The following SMYD3 variants were observed in gnomAD, a reference collection of about 807,000 sequenced individuals.
SMYD3 encodes the protein SET and MYND domain containing 3, also known as histone-lysine N-methyltransferase SMYD3.
A neutral mutation model predicts 57.7 loss-of-function variants in SMYD3; 36 were observed. The observed-to-expected ratio is 0.62, with a 90% CI of 0.48 to 0.82. SMYD3 has a LOEUF of 0.82. Among genes scored for constraint, SMYD3 ranks in the 40% least tolerant of loss-of-function variants. SMYD3 has a pLI of 0.00. For missense variants in SMYD3, 515 were observed against 538.8 expected (o/e 0.96, Z 0.44); for synonymous variants, 211 against 195.0 (o/e 1.08, Z -0.68).
intron 5 of SMYD3, among the ~76,000 whole-genome samples, chr1:246,045,044 C>T (rs1320503668): frequency 2.0e-5 from 3 of 152,090 alleles, no homozygotes; most frequent in African/African-American, 4.8e-5. Flanking sequence ...ATTGTGAAAA[C>T]GGACATACTG....
At chr1:246,160,666 G>C (rs531127036) in intron 5 of SMYD3, among the ~76,000 whole-genome samples, 27 of 152,324 alleles carry the variant, frequency 1.8e-4, no homozygotes, top group Non-Finnish European at 3.4e-4. Flanking sequence ...GGTGGCTGCT[G>C]TCTAACCCCA....
At chr1:246,358,713 T>C (rs1185725411) in intron 1 of SMYD3, among the ~76,000 whole-genome samples, 2 of 152,220 alleles carry the variant, frequency 1.3e-5, no homozygotes, top group African/African-American at 4.8e-5. Flanking sequence ...TCCTGGATGA[T>C]TGTTGGGTCA....
chr1:246,186,876 G>A (rs1405687258), intron 5 of SMYD3: 1 of 985,330 alleles, frequency 1.0e-6, no homozygotes, highest in East Asian at 1.1e-4. Flanking sequence ...TACCTCGCAG[G>A]AGAATGTCTC....
intron 5 of SMYD3, among the ~76,000 whole-genome samples, chr1:246,213,744 T>A (rs533866917): frequency 6.6e-6 from 1 of 152,316 alleles, no homozygotes; most frequent in African/African-American, 2.4e-5. Context: ...TCCCTGAGAA[T>A]ATCTTAGCAT....
intron 5 of SMYD3, among the ~76,000 whole-genome samples, chr1:246,259,733 G>A (rs769890366): frequency 4.6e-5 from 7 of 152,222 alleles, no homozygotes; most frequent in Non-Finnish European, 1.0e-4. Flanking sequence ...CCAAGGGCAT[G>A]GGGCCAGACT....
At chr1:246,244,327 T>C (rs1347417434) in intron 5 of SMYD3, among the ~76,000 whole-genome samples, 1 of 152,114 alleles carries the variant, frequency 6.6e-6, no homozygotes, top group African/African-American at 2.4e-5. Flanking sequence ...ATCAGACTTT[T>C]CCATTCTGAA....
chr1:246,090,696 T>G (rs1315724088), intron 5 of SMYD3, among the ~76,000 whole-genome samples: 1 of 151,944 alleles, frequency 6.6e-6, no homozygotes, highest in Non-Finnish European at 1.5e-5. Context: ...TTTTGTATTT[T>G]TAGTAGAGAT....
intron 5 of SMYD3, among the ~76,000 whole-genome samples, chr1:246,070,226 T>A (rs750138853): frequency 6.6e-6 from 1 of 152,136 alleles, no homozygotes; most frequent in African/African-American, 2.4e-5. Context: ...GGGACCTCCA[T>A]CCTGAGGGCT....
At chr1:246,036,090 GA>G (rs2059768426) in intron 5 of SMYD3, among the ~76,000 whole-genome samples, 1 of 152,168 alleles carries the variant, frequency 6.6e-6, no homozygotes, top group Non-Finnish European at 1.5e-5. Flanking sequence ...AAAAATTTAA[GA>G]AACAGTACCT....
intron 7 of SMYD3, among the ~76,000 whole-genome samples, chr1:245,920,783 A>G (rs1005141734): frequency 1.3e-5 from 2 of 152,248 alleles, no homozygotes; most frequent in African/African-American, 4.8e-5. Flanking sequence ...TACCATATAT[A>G]AAAATTAATA....
At chr1:246,282,023 C>T (rs187641574) in intron 5 of SMYD3, among the ~76,000 whole-genome samples, 21 of 152,202 alleles carry the variant, frequency 1.4e-4, no homozygotes, top group Admixed American at 5.9e-4. Flanking sequence ...AACATATCTA[C>T]AAGACCAAAT....
chr1:245,933,114 G>T (rs117948384), intron 5 of SMYD3, among the ~76,000 whole-genome samples: 1 of 152,198 alleles, frequency 6.6e-6, no homozygotes, highest in East Asian at 1.9e-4. Context: ...AATTTGAAAG[G>T]AATTGCTCTT....
chr1:246,168,866 T>C (rs1025938112), intron 5 of SMYD3, among the ~76,000 whole-genome samples: 1 of 152,116 alleles, frequency 6.6e-6, no homozygotes, highest in Non-Finnish European at 1.5e-5. Flanking sequence ...ATGATGCCTA[T>C]ACAGTGTCCA....
At chr1:246,166,099 TTAA>T (rs753254002) in intron 5 of SMYD3, among the ~76,000 whole-genome samples, 1 of 151,074 alleles carries the variant, frequency 6.6e-6, no homozygotes, top group African/African-American at 2.4e-5. Flanking sequence ...CCTCCCTTTT[TTAA>T]AAAAAAAAGA....
At chr1:246,165,278 T>C (rs2062188589) in intron 5 of SMYD3, among the ~76,000 whole-genome samples, 1 of 152,180 alleles carries the variant, frequency 6.6e-6, no homozygotes. Flanking sequence ...ATTTCAGTTG[T>C]AATTGTGAAA....
intron 5 of SMYD3, among the ~76,000 whole-genome samples, chr1:246,161,714 GA>G: frequency 6.6e-6 from 1 of 152,296 alleles, no homozygotes; most frequent in Non-Finnish European, 1.5e-5. Flanking sequence ...TGTAAAAAGA[GA>G]ATCAAATACA....
At chr1:246,381,591 G>C (rs1450740698) in intron 1 of SMYD3, among the ~76,000 whole-genome samples, 2 of 152,194 alleles carry the variant, frequency 1.3e-5, no homozygotes, top group Non-Finnish European at 2.9e-5. Context: ...AGGCAACAAG[G>C]ACTTCCTTAG....
At chr1:246,295,630 A>T (rs1423496222) in intron 5 of SMYD3, among the ~76,000 whole-genome samples, 1 of 152,180 alleles carries the variant, frequency 6.6e-6, no homozygotes, top group Non-Finnish European at 1.5e-5. Context: ...GGAATTTAAT[A>T]AAAGTATCTG....
At chr1:245,844,995 C>A (rs944444793) in intron 10 of SMYD3, among the ~76,000 whole-genome samples, 1 of 152,190 alleles carries the variant, frequency 6.6e-6, no homozygotes, top group Non-Finnish European at 1.5e-5. Flanking sequence ...AATTTTACTT[C>A]CAAATGAAGA....
Sources: allele counts gnomAD v4.1 joint callset (sites outside exome capture counted in the v4.1 genomes callset), GRCh38; gene constraint gnomAD v4.1.1; transcripts MANE v1.5; gene names NCBI Gene and HGNC (gene_info 2026-07-23, HGNC 2026-07-21).